The following AKAP13 variants were observed in gnomAD, a reference collection of about 807,000 sequenced individuals.
The protein encoded by AKAP13 is A-kinase anchoring protein 13, also known as A-kinase anchor protein 13.
In AKAP13, 80 loss-of-function variants were observed where a neutral mutation model predicts 264.5. The observed-to-expected ratio is 0.30, with a 90% CI of 0.25 to 0.36. AKAP13 has a LOEUF of 0.36. AKAP13 is among the 10% of genes least tolerant of loss of function. AKAP13 has a pLI of 1.00. For synonymous variants in AKAP13, 1,380 were observed against 1,250.2 expected (o/e 1.10, Z -2.19); for missense variants, 3,712 against 3,435.2 (o/e 1.08, Z -2.01).
chr15:85,612,712 TACTC>T (rs886735103), intron 8 of AKAP13, among the ~76,000 whole-genome samples: 2 of 151,514 alleles, frequency 1.3e-5, no homozygotes, highest in Non-Finnish European at 2.9e-5. Context: ...AATCCCCAGA[TACTC>T]AGGAGGCTGA....
At position 85,593,329 on chromosome 15, in the gene AKAP13, A is replaced by C. The variant is rs549981095; in HGVS notation, c.4161+7506A>C. On this transcript the variant is annotated intron_variant, in intron 8 of 36. Transcript: ENST00000394518. ...TCTATCTCAAAACAAAAACAAAAAA[A>C]CAAAAAAACAGAAAACCAAAAACAA... Among the ~76,000 whole-genome samples, 9 of 152,270 alleles carry C rather than the reference A, an allele frequency of 5.9e-5. No homozygotes were observed. In the East Asian group the frequency reaches 1.5e-3, roughly 26 times the overall value.
chr15:85,723,110 A>T lies in AKAP13; in HGVS notation c.6535A>T (p.Ser2179Cys). 1 of 1,614,164 alleles carries T rather than the reference A, an allele frequency of 6.2e-7. No homozygotes were observed. The highest frequency in any genetic ancestry group is 8.5e-7 in the Non-Finnish European group (1 of 1,180,004). Residue 2179 changes from serine (S) to cysteine (C), a missense_variant, in exon 26 of 37, where the codon AGC becomes TGC. This residue lies in a region of AKAP13 where 342 missense variants were observed against 484.3 expected (regional missense o/e 0.71). Coordinates refer to ENST00000394518, the MANE Select transcript of AKAP13 (RefSeq NM_007200.5). ...GCAGGAAGATCTAGCACAGTCCTTG[A>T]GCCTGGTGAAGGATGTGATTGGAGC... ...VEQEDLAQSL[S>C]LVKDVIGAVD...
chr15:85,446,741 C>T (rs1187481548), intron 1 of AKAP13, among the ~76,000 whole-genome samples: 2 of 144,894 alleles, frequency 1.4e-5, no homozygotes, highest in Non-Finnish European at 1.5e-5. Context: ...GACAGAGTCT[C>T]GCTGTGTTGT....
At chr15:85,577,204 G>T (rs972495562) in intron 6 of AKAP13, among the ~76,000 whole-genome samples, 9 of 152,148 alleles carry the variant, frequency 5.9e-5, no homozygotes, top group Non-Finnish European at 1.2e-4. Flanking sequence ...AGGCTCAGTA[G>T]GTAGATAGGA....
At chr15:85,707,944 G>A (rs2086402713) in intron 17 of AKAP13, 75 bp from the exon 18 acceptor site, 1 of 1,468,148 alleles carries the variant, frequency 6.8e-7, no homozygotes, top group Admixed American at 1.7e-5. Context: ...GAGGCCACTT[G>A]TGGCAGCAGT....
intron 10 of AKAP13, among the ~76,000 whole-genome samples, 184 bp downstream of exon 10, chr15:85,646,138 A>G (rs1185289035): frequency 6.6e-6 from 1 of 152,190 alleles, no homozygotes; most frequent in East Asian, 1.9e-4. Flanking sequence ...AGAGGCATGT[A>G]AATGTTCTTT....
intron 30 of AKAP13, among the ~76,000 whole-genome samples, chr15:85,732,411 AGCTTGGGG>A: frequency 6.6e-6 from 1 of 150,786 alleles, no homozygotes; most frequent in African/African-American, 2.4e-5. Context: ...CAGTGGACAG[AGCTTGGGG>A]AAAAACATAT....
chr15:85,525,415 G>T (rs562004495), intron 3 of AKAP13, among the ~76,000 whole-genome samples: 1 of 152,172 alleles, frequency 6.6e-6, no homozygotes, highest in South Asian at 2.1e-4. Context: ...AGTAATTTTT[G>T]ATGAAAACAT....
chr15:85,575,188 A>G lies in AKAP13; in HGVS notation c.720A>G (p.Gly240=). ...WSSLSYEIPY[G]DCSVRHHREL... is the part of the protein sequence containing the mutation. The stretch of plus-strand genomic sequence containing the variant: ...GTTTATCCTATGAAATACCGTATGG[A>G]GACTGTTCTGTGAGGCATCATCGAG... Residue 240 remains glycine, a synonymous_variant, in exon 6 of 37, where the codon GGA becomes GGG. Coordinates refer to ENST00000394518, the MANE Select transcript of AKAP13 (RefSeq NM_007200.5). 1.9e-6 allele frequency: 3 copies of G among 1,614,146 alleles called. No individual in the cohort carries two copies. The South Asian group carries it at 3.3e-5, about 18-fold the overall frequency.
chr15:85,412,874 G>A lies in AKAP13; in HGVS notation c.-12+32076G>A, dbSNP rs375880233. On this transcript the variant is annotated intron_variant, in intron 1 of 36. Coordinates refer to ENST00000394518, the MANE Select transcript of AKAP13 (RefSeq NM_007200.5). ...TGTGCCTGACACTGCACTGAACACC[G>A]TACCTATATTATCTCCTCTAACCTT... Among the ~76,000 whole-genome samples the A allele has an allele frequency of 3.0e-4, 46 of 152,286 alleles. 1 individual carries two copies. The South Asian group carries it at 3.5e-3, about 12-fold the overall frequency.
At chr15:85,381,584 C>G (rs2070271762) in intron 1 of AKAP13, 1 of 122,680 alleles carries the variant, frequency 8.2e-6, no homozygotes, top group African/African-American at 3.0e-5. Flanking sequence ...AGGAAAAACC[C>G]TAAAACTTTT....
chr15:85,614,090 C>T (rs959324642), intron 8 of AKAP13, among the ~76,000 whole-genome samples: 1 of 151,966 alleles, frequency 6.6e-6, no homozygotes, highest in Non-Finnish European at 1.5e-5. Flanking sequence ...GTCAAGAAAA[C>T]CAATTTGATC....
At chr15:85,543,071 G>A (rs950443170) in intron 4 of AKAP13, among the ~76,000 whole-genome samples, 5 of 152,172 alleles carry the variant, frequency 3.3e-5, no homozygotes, top group Admixed American at 1.3e-4. Flanking sequence ...CTAAGAGGGA[G>A]CCTTTATTTC....
chr15:85,597,371 G>A (rs1176101661), intron 8 of AKAP13, among the ~76,000 whole-genome samples: 1 of 152,086 alleles, frequency 6.6e-6, no homozygotes, highest in Admixed American at 6.6e-5. Context: ...AAGCTCCTCA[G>A]TGTCACATGG....
chr15:85,693,598 G>C, intron 17 of AKAP13, 147 bp downstream of exon 17: 5 of 1,374,130 alleles, frequency 3.6e-6, no homozygotes, highest in Non-Finnish European at 4.8e-6. Context: ...CATGATAAAA[G>C]AAAGAAATTC....
intron 19 of AKAP13, 92 bp from the exon 20 acceptor site, chr15:85,715,696 A>G: frequency 9.5e-7 from 1 of 1,051,186 alleles, no homozygotes; most frequent in East Asian, 2.7e-5. Flanking sequence ...ATCCACTGTA[A>G]AGCGCCTTAC....
At chr15:85,693,498 C>G in intron 17 of AKAP13, 47 bp downstream of exon 17, 1 of 1,590,358 alleles carries the variant, frequency 6.3e-7, no homozygotes, top group Non-Finnish European at 8.5e-7. Context: ...TCTCTTGGCT[C>G]AAGAAAGCTC....
At chr15:85,686,375 T>C (rs1961601) in intron 16 of AKAP13, among the ~76,000 whole-genome samples, 28,485 of 152,240 alleles carry the variant, frequency 0.19, 3,532 homozygotes, top group Middle Eastern at 0.4. Context: ...AGTGGGCTGA[T>C]GGAAATATAG....
intron 1 of AKAP13, among the ~76,000 whole-genome samples, chr15:85,409,024 G>A (rs770650605): frequency 6.6e-6 from 1 of 151,712 alleles, no homozygotes; most frequent in African/African-American, 2.4e-5. Context: ...TCATCTTATA[G>A]TGTGTGAAGT....
Sources: allele counts gnomAD v4.1 joint callset (sites outside exome capture counted in the v4.1 genomes callset), GRCh38; gene constraint gnomAD v4.1.1; regional missense constraint gnomAD v4.1.1; transcripts MANE v1.5; gene names NCBI Gene and HGNC (gene_info 2026-07-23, HGNC 2026-07-21).